SCGB1C1: variants seen among roughly 807,000 people sequenced by gnomAD.
SCGB1C1 encodes the protein ligand binding protein RYD5.
Under a neutral mutation model 8.9 loss-of-function variants are expected in SCGB1C1, and 2 were observed. The observed-to-expected ratio is 0.23, with a 90% CI of 0.09 to 0.71. The LOEUF is 0.71. Among genes scored for constraint, SCGB1C1 ranks in the 30% least tolerant of loss-of-function variants. The pLI, the probability that SCGB1C1 is intolerant of heterozygous loss-of-function variation, is 0.78. For synonymous variants in SCGB1C1, 6 were observed against 45.8 expected, an observed-to-expected ratio of 0.13 and a Z score of 3.51; for missense variants, 25 against 112.7, an observed-to-expected ratio of 0.22 and a Z score of 3.52.
chr11:194,161 C>G lies in SCGB1C1; in HGVS notation c.255+250C>G, dbSNP rs376385924. 9.7e-3 allele frequency among the ~76,000 whole-genome samples: 1,153 copies of G among 118,654 alleles called. 9 individuals carry two copies. Among genetic ancestry groups the G allele is most frequent in the African/African-American group, 0.036 (1,104 of 30,986 alleles). The allele number at this position is 118,654 out of a possible 152,430, so 77.8% of individuals were successfully genotyped here. On this transcript the variant is annotated intron_variant, in intron 2 of 2. Coordinates refer to ENST00000342878, the MANE Select transcript of SCGB1C1 (RefSeq NM_145651.3). Reference sequence around the variant, plus strand: ...ATGTGAACATACACAGAGATCCAAACACAGGTGCAGACATGAAATGTACAC... The same window carrying G: ...ATGTGAACATACACAGAGATCCAAAGACAGGTGCAGACATGAAATGTACAC...
upstream of SCGB1C1, among the ~76,000 whole-genome samples, chr11:191,949 G>A (rs4890209): frequency 4.6e-5 from 7 of 152,116 alleles, no homozygotes; most frequent in African/African-American, 1.7e-4. Flanking sequence ...CCTAACCAAC[G>A]TTGATCCCTA....
upstream of SCGB1C1, among the ~76,000 whole-genome samples, chr11:192,096 C>T (rs533023520): frequency 4.6e-4 from 70 of 151,430 alleles, no homozygotes; most frequent in African/African-American, 1.6e-3. Flanking sequence ...ATTTAGGAGT[C>T]GTTCAATGTA....
At chr11:188,443 ATAT>A (rs1187982067), upstream of SCGB1C1, among the ~76,000 whole-genome samples, 4 of 152,120 alleles carry the variant, frequency 2.6e-5, no homozygotes, top group African/African-American at 9.6e-5. Flanking sequence ...TATTTTAAAA[ATAT>A]TGTTGATGGA....
At chr11:190,631 G>T (rs1385611459), upstream of SCGB1C1, among the ~76,000 whole-genome samples, 6 of 152,210 alleles carry the variant, frequency 3.9e-5, no homozygotes, top group African/African-American at 1.4e-4. Flanking sequence ...TGGTTTTCCT[G>T]CTACTGCCTT....
intron 2 of SCGB1C1, 88 bp from the exon 3 acceptor site, chr11:194,330 C>G (rs1351769874): frequency 1.1e-5 from 13 of 1,194,412 alleles, no homozygotes; most frequent in South Asian, 1.2e-5. Flanking sequence ...CAGACCCCCC[C>G]CCACTGAGGG....
At chr11:192,666 C>A (rs1854833633), upstream of SCGB1C1, among the ~76,000 whole-genome samples, 2 of 150,644 alleles carry the variant, frequency 1.3e-5, no homozygotes, top group Non-Finnish European at 1.5e-5. Flanking sequence ...GATTGGAGAC[C>A]CCCAGATGCA....
At chr11:190,746 C>T (rs1413268797), upstream of SCGB1C1, among the ~76,000 whole-genome samples, 29 of 152,302 alleles carry the variant, frequency 1.9e-4, no homozygotes, top group African/African-American at 5.5e-4. Context: ...GCCTCCTTCC[C>T]GCCATCCCAG....
chr11:188,225 A>G (rs1355349568), upstream of SCGB1C1, among the ~76,000 whole-genome samples: 1 of 152,196 alleles, frequency 6.6e-6, no homozygotes, highest in East Asian at 1.9e-4. Flanking sequence ...ATTCTGAACC[A>G]TTTTTGGTCT....
At chr11:189,552 G>A (rs111881374), upstream of SCGB1C1, among the ~76,000 whole-genome samples, 1 of 141,258 alleles carries the variant, frequency 7.1e-6, no homozygotes, top group African/African-American at 2.7e-5. Flanking sequence ...CTGTGGGTTT[G>A]GGGGGAGGTG....
chr11:189,492 T>TG (rs1373445707), upstream of SCGB1C1, among the ~76,000 whole-genome samples: 109 of 116,668 alleles, frequency 9.3e-4, no homozygotes, highest in African/African-American at 3.1e-3. Context: ...GCGCGTCCCC[T>TG]GGGGGGCGGG....
At chr11:191,770 C>T (rs368502186), upstream of SCGB1C1, among the ~76,000 whole-genome samples, 18,485 of 144,440 alleles carry the variant, frequency 0.13, 1 homozygote, top group Non-Finnish European at 0.18. Context: ...TGGAACACAG[C>T]GTATAAGACC....
chr11:194,367 T>G, intron 2 of SCGB1C1, 51 bp from the exon 3 acceptor site: 1 of 990,020 alleles, frequency 1.0e-6, no homozygotes, highest in East Asian at 2.4e-5. Flanking sequence ...GAGCTGTGGC[T>G]CTCCACTTAT....
At chr11:189,553 G>A (rs1346561145), upstream of SCGB1C1, among the ~76,000 whole-genome samples, 1 of 27,196 alleles carries the variant, frequency 3.7e-5, no homozygotes, top group African/African-American at 1.5e-4. Flanking sequence ...TGTGGGTTTG[G>A]GGGGAGGTGG....
upstream of SCGB1C1, among the ~76,000 whole-genome samples, chr11:192,417 A>T (rs539521939): frequency 6.6e-5 from 10 of 152,064 alleles, no homozygotes; most frequent in South Asian, 2.1e-3. Context: ...CTGATGGAAG[A>T]TGTACCTCAA....
upstream of SCGB1C1, among the ~76,000 whole-genome samples, chr11:191,858 CT>C (rs1854816143): frequency 0.018 from 310 of 16,784 alleles, 1 homozygote; most frequent in Middle Eastern, 0.045. Flanking sequence ...ACCCTAACCC[CT>C]AACCCCTAAC....
At chr11:190,854 A>G (rs1286210597), upstream of SCGB1C1, among the ~76,000 whole-genome samples, 1 of 151,634 alleles carries the variant, frequency 6.6e-6, no homozygotes, top group Non-Finnish European at 1.5e-5. Context: ...GTTTCTCTTA[A>G]GAATGTCCCC....
At chr11:189,511 C>T (rs1330684527), upstream of SCGB1C1, among the ~76,000 whole-genome samples, 20 of 118,658 alleles carry the variant, frequency 1.7e-4, no homozygotes, top group African/African-American at 5.4e-4. Context: ...GGGGGAGGCG[C>T]GGCGCAGGCG....
chr11:188,475 GA>G (rs1449107603), upstream of SCGB1C1, among the ~76,000 whole-genome samples: 1 of 152,194 alleles, frequency 6.6e-6, no homozygotes, highest in Non-Finnish European at 1.5e-5. Flanking sequence ...TGCAAAAGTA[GA>G]TAGGAAAATT....
chr11:191,641 T>A (rs1450587740), upstream of SCGB1C1, among the ~76,000 whole-genome samples: 1 of 149,808 alleles, frequency 6.7e-6, no homozygotes, highest in Non-Finnish European at 1.5e-5. Flanking sequence ...AACCACAATG[T>A]GGTTACAATT....
Sources: gnomAD v4.1 joint callset for allele counts (sites outside exome capture counted in the v4.1 genomes callset) on GRCh38, gnomAD v4.1.1 for gene constraint, MANE v1.5 for transcripts, NCBI Gene and HGNC (gene_info 2026-07-23, HGNC 2026-07-21) for gene names.